XKR9: variants seen among roughly 807,000 people sequenced by gnomAD.
XKR9 encodes the protein XK-related protein 9.
Under a neutral mutation model 32.0 loss-of-function variants are expected in XKR9, and 32 were observed. The ratio of observed to expected loss-of-function variants is 1.00; its 90% confidence interval spans 0.76 to 1.34. The LOEUF (loss-of-function observed/expected upper bound fraction) is 1.34. XKR9 is among the 40% of genes most tolerant of loss of function. The probability of loss-of-function intolerance (pLI) is 0.00; values close to 1 mark genes in which losing one functional copy is unlikely to be tolerated. For missense variants in XKR9, 546 were observed against 429.7 expected (o/e 1.27, Z -2.39); for synonymous variants, 168 against 143.4 (o/e 1.17, Z -1.22).
At chr8:70,762,086 T>G (rs1220857346) in intron 2 of XKR9, among the ~76,000 whole-genome samples, 1 of 152,176 alleles carries the variant, frequency 6.6e-6, no homozygotes, top group Non-Finnish European at 1.5e-5. Flanking sequence ...TACCATGCTG[T>G]TTTGGTTACT....
intron 2 of XKR9, among the ~76,000 whole-genome samples, chr8:70,754,635 C>G (rs567960426): frequency 9.8e-4 from 148 of 151,610 alleles, no homozygotes; most frequent in Non-Finnish European, 1.7e-3. Flanking sequence ...TGATCTTTGA[C>G]AAACCTGACA....
intron 3 of XKR9, among the ~76,000 whole-genome samples, chr8:70,699,415 A>G (rs1347503050): frequency 1.3e-5 from 2 of 151,946 alleles, no homozygotes; most frequent in Non-Finnish European, 2.9e-5. Context: ...TTGTCTGTAA[A>G]GTATTTTATT....
intron 4 of XKR9, among the ~76,000 whole-genome samples, chr8:70,713,473 C>G (rs928280106): frequency 6.6e-6 from 1 of 152,142 alleles, no homozygotes; most frequent in Non-Finnish European, 1.5e-5. Context: ...GAAAGAAATT[C>G]ATACCATAGT....
At chr8:70,898,016 G>A in the XKR9 span, among the ~76,000 whole-genome samples, 1 of 152,136 alleles carries the variant, frequency 6.6e-6, no homozygotes, top group Non-Finnish European at 1.5e-5. Flanking sequence ...TTTCCCCAAT[G>A]TTTTCTTTCA....
chr8:71,001,633 C>G, the XKR9 span, among the ~76,000 whole-genome samples: 2 of 152,150 alleles, frequency 1.3e-5, no homozygotes, highest in Non-Finnish European at 2.9e-5. Context: ...TCAAGTGAAT[C>G]TACTCATTCT....
At chr8:70,944,729 A>G in the XKR9 span, among the ~76,000 whole-genome samples, 4 of 152,204 alleles carry the variant, frequency 2.6e-5, no homozygotes, top group African/African-American at 9.6e-5. Context: ...TTACTTATAC[A>G]ACCTAAGAGG....
chr8:70,982,075 C>T, the XKR9 span, among the ~76,000 whole-genome samples: 4 of 152,188 alleles, frequency 2.6e-5, no homozygotes, highest in African/African-American at 9.6e-5. Context: ...TCTGAGGGTC[C>T]TTGGTTGTGC....
At chr8:70,761,283 AC>A (rs771671638) in intron 2 of XKR9, among the ~76,000 whole-genome samples, 1 of 152,196 alleles carries the variant, frequency 6.6e-6, no homozygotes, top group Non-Finnish European at 1.5e-5. Flanking sequence ...TTGAGGAATC[AC>A]CACACTGTCT....
At position 70,733,779 on chromosome 8, in the gene XKR9, A is replaced by ATTTTTTTTTTTT; in HGVS notation, c.494-10_494-9insTTTTTTTTTTTT. The ATTTTTTTTTTTT allele has an allele frequency of 1.3e-6, 2 of 1,509,802 alleles. No individual in the cohort carries two copies. The highest frequency in any genetic ancestry group is 2.3e-5 in the Admixed American group (1 of 42,754). 93.5% of individuals were successfully genotyped at this position (1,509,802 alleles called of 1,614,324 possible). On this transcript the variant is annotated splice_polypyrimidine_tract_variant and intron_variant, in intron 4 of 4. Coordinates refer to ENST00000408926, the MANE Select transcript of XKR9 (RefSeq NM_001011720.2). ...TTATTCCTATAACAATATATTTTTT[A>ATTTTTTTTTTTT]TTTTTTTGTTTTGTAGATGCGGCCA...
At chr8:70,789,844 T>C (rs1807740587) in intron 3 of XKR9, among the ~76,000 whole-genome samples, 1 of 152,076 alleles carries the variant, frequency 6.6e-6, no homozygotes, top group Non-Finnish European at 1.5e-5. Flanking sequence ...ATTCTAATTA[T>C]AGTCCAGCAT....
the XKR9 span, among the ~76,000 whole-genome samples, chr8:70,850,483 A>G: frequency 0.094 from 11,781 of 125,742 alleles, 556 homozygotes; most frequent in African/African-American, 0.1. Context: ...AAAAAAAAAA[A>G]AGAAAGAAAA....
chr8:70,848,935 T>G, the XKR9 span, among the ~76,000 whole-genome samples: 2 of 151,974 alleles, frequency 1.3e-5, no homozygotes, highest in Non-Finnish European at 1.5e-5. Flanking sequence ...TACAGGAGCA[T>G]CCAGATGCAT....
At chr8:70,687,252 G>A (rs1563422590) in intron 3 of XKR9, among the ~76,000 whole-genome samples, 4 of 152,030 alleles carry the variant, frequency 2.6e-5, no homozygotes, top group Non-Finnish European at 5.9e-5. Flanking sequence ...TTAACATAAT[G>A]TTCTTCAGTT....
At chr8:71,042,839 C>T in the XKR9 span, among the ~76,000 whole-genome samples, 1 of 152,120 alleles carries the variant, frequency 6.6e-6, no homozygotes, top group East Asian at 1.9e-4. Flanking sequence ...TCCTGGTGCA[C>T]CCCATGCAAG....
At chr8:70,954,598 G>A in the XKR9 span, among the ~76,000 whole-genome samples, 868 of 152,282 alleles carry the variant, frequency 5.7e-3, 11 homozygotes, top group African/African-American at 0.019. Flanking sequence ...AAGGATCTGA[G>A]GTTAGTGATC....
At chr8:70,683,051 C>A (rs1033199007) in intron 3 of XKR9, among the ~76,000 whole-genome samples, 2 of 152,180 alleles carry the variant, frequency 1.3e-5, no homozygotes, top group Non-Finnish European at 2.9e-5. Flanking sequence ...GGTTTTCAAC[C>A]TCTTGTTCTG....
intron 3 of XKR9, among the ~76,000 whole-genome samples, chr8:70,683,020 C>G (rs959708083): frequency 6.6e-6 from 1 of 152,164 alleles, no homozygotes; most frequent in Non-Finnish European, 1.5e-5. Flanking sequence ...TAACAACAGC[C>G]CTTTGCTTGG....
intron 2 of XKR9, among the ~76,000 whole-genome samples, chr8:70,779,439 G>A (rs922759727): frequency 1.1e-4 from 17 of 152,092 alleles, no homozygotes; most frequent in Admixed American, 2.0e-4. Context: ...TCTCTGCCAG[G>A]CTTTGGTATC....
chr8:70,884,147 TG>T, the XKR9 span, among the ~76,000 whole-genome samples: 2 of 152,174 alleles, frequency 1.3e-5, no homozygotes, highest in Non-Finnish European at 2.9e-5. Flanking sequence ...TGGTATGGAA[TG>T]TGTTCTCATA....
Sources: gnomAD v4.1 joint callset for allele counts (sites outside exome capture counted in the v4.1 genomes callset) on GRCh38, gnomAD v4.1.1 for gene constraint, MANE v1.5 for transcripts, NCBI Gene and HGNC (gene_info 2026-07-23, HGNC 2026-07-21) for gene names.